The following RAB18 variants were observed in gnomAD, a reference collection of about 807,000 sequenced individuals.
The protein encoded by RAB18 is ras-related protein Rab-18.
RAB18 carries 10 observed loss-of-function variants against 28.5 expected under a neutral mutation model. That is an observed-to-expected ratio of 0.35 (90% CI 0.22 to 0.60). The LOEUF is 0.60. Ranked by LOEUF, RAB18 falls within the 20% of genes least tolerant of loss-of-function variation. The probability of loss-of-function intolerance (pLI) is 0.78; values close to 1 mark genes in which losing one functional copy is unlikely to be tolerated. For synonymous variants in RAB18, 93 were observed against 86.9 expected, an observed-to-expected ratio of 1.07 and a Z score of -0.39; for missense variants, 188 against 244.2, an observed-to-expected ratio of 0.77 and a Z score of 1.53.
chr10:27,539,211 ATG>A lies in RAB18; in HGVS notation c.*1164_*1165del, dbSNP rs1370681374. 9.0e-6 allele frequency: 3 copies of A among 332,832 alleles called. No individual in the cohort carries two copies. The highest frequency in any genetic ancestry group is 1.7e-5 in the Non-Finnish European group (3 of 172,084). The allele number at this position is 332,832 out of a possible 1,614,324, so 20.6% of individuals were successfully genotyped here. ...TGTATATTGTAGATTTTTTTCATTC[ATG>A]TGTTATTTAATTTACACTGATCTCT... On this transcript the variant is annotated 3_prime_UTR_variant, in exon 7 of 7. Coordinates refer to ENST00000356940, the MANE Select transcript of RAB18 (RefSeq NM_021252.5).
intron 1 of RAB18, 61 bp downstream of exon 1, chr10:27,504,498 T>C (rs979473021): frequency 1.3e-6 from 2 of 1,518,574 alleles, no homozygotes; most frequent in Non-Finnish European, 1.8e-6. Context: ...CGGTGGCTGC[T>C]GTCTCCTGGG....
intron 2 of RAB18, chr10:27,514,266 TA>T (rs1460343675): frequency 7.9e-5 from 12 of 152,172 alleles, no homozygotes; most frequent in African/African-American, 2.9e-4. Flanking sequence ...TGAAGAACAG[TA>T]ACCTAAAATA....
At chr10:27,530,153 AT>A (rs756365539) in intron 3 of RAB18, among the ~76,000 whole-genome samples, 3 of 152,014 alleles carry the variant, frequency 2.0e-5, no homozygotes, top group Non-Finnish European at 2.9e-5. Context: ...TCTGGAAGTT[AT>A]GGATACAGTT....
At chr10:27,537,641 TA>T (rs1177749760) in intron 6 of RAB18, among the ~76,000 whole-genome samples, 23 of 152,364 alleles carry the variant, frequency 1.5e-4, no homozygotes, top group African/African-American at 4.3e-4. Flanking sequence ...TTTAAGATTA[TA>T]AACCAGTGTT....
chr10:27,541,681 G>C lies in RAB18; in HGVS notation c.*3630G>C, dbSNP rs970085832. 1 of 445,236 alleles carries C rather than the reference G, an allele frequency of 2.2e-6. No homozygotes were observed. Among genetic ancestry groups the C allele is most frequent in the Non-Finnish European group, 4.5e-6 (1 of 224,636 alleles). The allele number at this position is 445,236 out of a possible 1,614,324, so 27.6% of individuals were successfully genotyped here. On this transcript the variant is annotated 3_prime_UTR_variant, in exon 7 of 7. Coordinates refer to ENST00000356940, the MANE Select transcript of RAB18 (RefSeq NM_021252.5). ...TTTAACCGGAGAAGCAACAAATTAC[G>C]TAGTTTTTTTTGTGTTTCTTTGATT...
In RAB18 at chr10:27,541,311, A is replaced by T. The variant is rs1835022308; in HGVS notation, c.*3260A>T. The T allele has an allele frequency of 4.4e-6, 2 of 452,810 alleles. No homozygotes were observed. Among genetic ancestry groups the T allele is most frequent in the African/African-American group, 4.0e-5 (2 of 49,612 alleles). The allele number at this position is 452,810 out of a possible 1,614,324, so 28.0% of individuals were successfully genotyped here. A position where few individuals can be genotyped will look rare whatever the true frequency, so the allele number is the denominator to read the frequency against. ...ACATAGACAGGCTAGCTAAGTCAAG[A>T]CTAGGGGCTAAGGAATATAGAATCA... is the stretch of plus-strand genomic sequence containing the variant. On this transcript the variant is annotated 3_prime_UTR_variant, in exon 7 of 7. Transcript: ENST00000356940.
chr10:27,533,400 C>T (rs1186170937), intron 4 of RAB18, among the ~76,000 whole-genome samples: 4 of 151,516 alleles, frequency 2.6e-5, no homozygotes, highest in South Asian at 4.2e-4. Flanking sequence ...TGAATCTAAA[C>T]ACTCTGGTTT....
chr10:27,540,811 T>C lies in RAB18; in HGVS notation c.*2760T>C, dbSNP rs751509121. The C allele has an allele frequency of 2.2e-5, 10 of 453,982 alleles. 1 individual carries two copies. The highest frequency in any genetic ancestry group is 1.6e-4 in the South Asian group (10 of 64,480). 28.1% of individuals were successfully genotyped at this position (453,982 alleles called of 1,614,324 possible). On this transcript the variant is annotated 3_prime_UTR_variant, in exon 7 of 7. Coordinates refer to ENST00000356940, the MANE Select transcript of RAB18 (RefSeq NM_021252.5). The stretch of plus-strand genomic sequence containing the variant: ...TGGTGTTGACATTCTAGCTGAGTGT[T>C]GTGGAAATAGACTTGATTTTGATTC...
Position 27,540,449 on chromosome 10 carries a change from A to G in RAB18, c.*2398A>G, listed in dbSNP as rs1047119739. ...TTACCAGCTTTTTGTAACACAACCA[A>G]GTTAAGGCAGTTCCACTATTTCTTT... On this transcript the variant is annotated 3_prime_UTR_variant, in exon 7 of 7. Transcript: ENST00000356940. 2 of 453,966 alleles carry G rather than the reference A, an allele frequency of 4.4e-6. No individual in the cohort carries two copies. The highest frequency in any genetic ancestry group is 4.0e-5 in the African/African-American group (2 of 50,002). 28.1% of individuals were successfully genotyped at this position (453,966 alleles called of 1,614,324 possible). A position where few individuals can be genotyped will look rare whatever the true frequency, so the allele number is the denominator to read the frequency against.
chr10:27,522,919 G>A (rs1450956972), intron 2 of RAB18, among the ~76,000 whole-genome samples: 3 of 151,848 alleles, frequency 2.0e-5, no homozygotes, highest in African/African-American at 2.4e-5. Context: ...AATTTGACTA[G>A]AAGTTTATCA....
chr10:27,523,119 T>C (rs767218442), intron 2 of RAB18, among the ~76,000 whole-genome samples: 8 of 152,086 alleles, frequency 5.3e-5, no homozygotes, highest in Non-Finnish European at 8.8e-5. Flanking sequence ...TTTTCTAATA[T>C]GGGTGTTTAG....
chr10:27,542,093 T>C lies in RAB18; in HGVS notation c.*4042T>C. ...CTTGCTGCAGCTCGTTTTTCTAATATAAAGGAACCAGCCTGAGGCAGTACC... is the reference window on the plus strand; with the variant it reads ...CTTGCTGCAGCTCGTTTTTCTAATACAAAGGAACCAGCCTGAGGCAGTACC... On this transcript the variant is annotated 3_prime_UTR_variant, in exon 7 of 7. Coordinates refer to ENST00000356940, the MANE Select transcript of RAB18 (RefSeq NM_021252.5). The C allele has an allele frequency of 2.2e-6, 1 of 454,064 alleles. No individual in the cohort carries two copies. Among genetic ancestry groups the C allele is most frequent in the South Asian group, 1.6e-5 (1 of 64,472 alleles). The allele number at this position is 454,064 out of a possible 1,614,324, so 28.1% of individuals were successfully genotyped here.
At chr10:27,532,669 C>T (rs1405593881) in intron 4 of RAB18, 90 bp downstream of exon 4, 2 of 1,004,760 alleles carry the variant, frequency 2.0e-6, no homozygotes, top group Non-Finnish European at 3.1e-6. Context: ...CTTTGTTTTA[C>T]TTCTCGTTAG....
At chr10:27,518,438 T>C (rs1364408289) in intron 2 of RAB18, among the ~76,000 whole-genome samples, 4 of 152,148 alleles carry the variant, frequency 2.6e-5, no homozygotes, top group Non-Finnish European at 4.4e-5. Flanking sequence ...TTTAACCATA[T>C]TTTCAAATGA....
At chr10:27,514,954 G>T (rs1163326731) in intron 2 of RAB18, among the ~76,000 whole-genome samples, 4 of 151,930 alleles carry the variant, frequency 2.6e-5, no homozygotes. Flanking sequence ...TGGAGATGGG[G>T]TCTCACCAAA....
chr10:27,515,175 T>A (rs969139024), intron 2 of RAB18, among the ~76,000 whole-genome samples: 1 of 152,204 alleles, frequency 6.6e-6, no homozygotes, highest in African/African-American at 2.4e-5. Flanking sequence ...GATCACATGG[T>A]GGTCCTTAGG....
At chr10:27,520,807 C>T (rs1834533612) in intron 2 of RAB18, among the ~76,000 whole-genome samples, 2 of 144,296 alleles carry the variant, frequency 1.4e-5, no homozygotes, top group Admixed American at 1.5e-4. Context: ...ATCCCAGCTA[C>T]TAGGGAGGCT....
intron 3 of RAB18, chr10:27,528,458 T>C (rs969693546): frequency 2.2e-5 from 9 of 406,418 alleles, no homozygotes; most frequent in Non-Finnish European, 3.8e-5. Context: ...TATCAAGGGA[T>C]ATGTATACAT....
At chr10:27,518,116 A>G (rs533734038) in intron 2 of RAB18, among the ~76,000 whole-genome samples, 1 of 152,092 alleles carries the variant, frequency 6.6e-6, no homozygotes, top group East Asian at 1.9e-4. Context: ...CCACAGTTTT[A>G]GTTGGTTTAT....
Sources: gnomAD v4.1 joint callset for allele counts (sites outside exome capture counted in the v4.1 genomes callset) on GRCh38, gnomAD v4.1.1 for gene constraint, MANE v1.5 for transcripts, NCBI Gene and HGNC (gene_info 2026-07-23, HGNC 2026-07-21) for gene names.